Variants in RALGPS2 observed in about 807,000 individuals in gnomAD.
The protein encoded by RALGPS2 is Ral GEF with PH domain and SH3 binding motif 2.
Under a neutral mutation model 86.8 loss-of-function variants are expected in RALGPS2, and 43 were observed. The ratio of observed to expected loss-of-function variants is 0.50; its 90% CI spans 0.39 to 0.64. The LOEUF (loss-of-function observed/expected upper bound fraction) is 0.64, where lower values mean the gene tolerates loss of function less well. RALGPS2 is among the 30% of genes least tolerant of loss of function. The probability of loss-of-function intolerance (pLI) is 0.00; values close to 1 mark genes in which losing one functional copy is unlikely to be tolerated. For synonymous variants in RALGPS2, 243 were observed against 231.3 expected (o/e 1.05, Z -0.46); for missense variants, 536 against 694.6 (o/e 0.77, Z 2.57).
chr1:178,757,936 A>G (rs544700983), intron 1 of RALGPS2, among the ~76,000 whole-genome samples: 1 of 152,016 alleles, frequency 6.6e-6, no homozygotes, highest in South Asian at 2.1e-4. Flanking sequence ...TTTGGTTGGT[A>G]GGTATTTTAT....
At chr1:178,913,052 C>T (rs1346704208) in intron 19 of RALGPS2, among the ~76,000 whole-genome samples, 2 of 152,052 alleles carry the variant, frequency 1.3e-5, no homozygotes, top group Non-Finnish European at 2.9e-5. Context: ...GAGGCCAAGG[C>T]AGGCAGATCA....
intron 10 of RALGPS2, among the ~76,000 whole-genome samples, chr1:178,880,830 T>C (rs1659213553): frequency 6.6e-6 from 1 of 152,206 alleles, no homozygotes; most frequent in African/African-American, 2.4e-5. Flanking sequence ...TATAATACAA[T>C]ATTTATTAAA....
chr1:178,768,293 C>T (rs1291667928), intron 1 of RALGPS2, among the ~76,000 whole-genome samples: 1 of 152,180 alleles, frequency 6.6e-6, no homozygotes, highest in East Asian at 1.9e-4. Flanking sequence ...GGTTCCTTCT[C>T]ATCTGGAGAC....
chr1:178,831,235 C>G (rs1389611092), intron 7 of RALGPS2, among the ~76,000 whole-genome samples: 1 of 152,178 alleles, frequency 6.6e-6, no homozygotes, highest in Non-Finnish European at 1.5e-5. Context: ...ATCCATTTAA[C>G]AAAGCCATAC....
intron 1 of RALGPS2, chr1:178,747,594 A>G: frequency 6.2e-7 from 1 of 1,601,750 alleles, no homozygotes; most frequent in Non-Finnish European, 8.5e-7. Flanking sequence ...CCCTGTGTTA[A>G]GATGTAACTC....
intron 1 of RALGPS2, among the ~76,000 whole-genome samples, chr1:178,753,245 C>T (rs1210787616): frequency 1.3e-5 from 2 of 152,136 alleles, no homozygotes; most frequent in Non-Finnish European, 2.9e-5. Context: ...TTCCTGCCTT[C>T]GTATTCTTTC....
chr1:178,883,579 C>A, intron 11 of RALGPS2, 46 bp downstream of exon 11: 1 of 1,423,234 alleles, frequency 7.0e-7, no homozygotes, highest in Non-Finnish European at 9.9e-7. Flanking sequence ...ATCAGATAAC[C>A]TAATAAGGAA....
intron 13 of RALGPS2, 45 bp from the exon 14 acceptor site, chr1:178,889,597 G>C (rs751104658): frequency 8.0e-7 from 1 of 1,249,082 alleles, no homozygotes; most frequent in Non-Finnish European, 1.2e-6. Flanking sequence ...GCAAACTAGA[G>C]AGGTAATTCT....
intron 10 of RALGPS2, 86 bp from the exon 11 acceptor site, chr1:178,883,380 T>G (rs1659344198): frequency 9.2e-7 from 1 of 1,086,728 alleles, no homozygotes; most frequent in South Asian, 1.3e-5. Context: ...TGTTTTTAGT[T>G]TTTTTGTGAG....
chr1:178,789,185 G>A lies in RALGPS2; in HGVS notation c.213+3578G>A, dbSNP rs373468631. 4.6e-5 allele frequency among the ~76,000 whole-genome samples: 7 copies of A among 152,300 alleles called. No homozygotes were observed. The South Asian group carries it at 1.2e-3, about 27-fold the overall frequency. ...GCCTCCCCAAATGCTGGGTTTACAGGCGTGAGCCACTGTGCCCGGCCTTAA... is the reference window on the plus strand; with the variant it reads ...GCCTCCCCAAATGCTGGGTTTACAGACGTGAGCCACTGTGCCCGGCCTTAA... On this transcript the variant is annotated intron_variant, in intron 4 of 19. Transcript: ENST00000367635.
intron 10 of RALGPS2, among the ~76,000 whole-genome samples, chr1:178,881,818 A>G (rs919963160): frequency 6.6e-6 from 1 of 152,190 alleles, no homozygotes; most frequent in Non-Finnish European, 1.5e-5. Context: ...TGAAAAATAG[A>G]GCATTTTAAG....
intron 8 of RALGPS2, chr1:178,852,835 A>T: frequency 6.2e-7 from 1 of 1,613,902 alleles, no homozygotes; most frequent in South Asian, 1.1e-5. Context: ...TTCTGCATAG[A>T]CTTTTTTATC....
intron 8 of RALGPS2, among the ~76,000 whole-genome samples, chr1:178,837,503 G>A (rs1466677072): frequency 6.6e-6 from 1 of 152,146 alleles, no homozygotes; most frequent in African/African-American, 2.4e-5. Flanking sequence ...CTAGTAAAAT[G>A]TATGTGTCTG....
intron 7 of RALGPS2, among the ~76,000 whole-genome samples, chr1:178,824,725 C>T (rs1012301495): frequency 5.3e-5 from 8 of 151,958 alleles, no homozygotes; most frequent in African/African-American, 1.5e-4. Context: ...AGGAGAATGG[C>T]GTGAACCCAG....
intron 19 of RALGPS2, among the ~76,000 whole-genome samples, chr1:178,915,072 T>C (rs1327281854): frequency 6.6e-6 from 1 of 152,332 alleles, no homozygotes; most frequent in East Asian, 1.9e-4. Context: ...CAGACGTGTA[T>C]AAATATTTGT....
intron 1 of RALGPS2, among the ~76,000 whole-genome samples, chr1:178,740,930 A>T (rs1054723128): frequency 6.6e-6 from 1 of 152,216 alleles, no homozygotes; most frequent in Non-Finnish European, 1.5e-5. Context: ...TCATAACAAT[A>T]CTTCTCACTG....
At chr1:178,915,752 C>A (rs1206060135) in intron 19 of RALGPS2, among the ~76,000 whole-genome samples, 1 of 152,190 alleles carries the variant, frequency 6.6e-6, no homozygotes, top group Non-Finnish European at 1.5e-5. Flanking sequence ...GAAAAGACCA[C>A]TGACATATGA....
At chr1:178,735,390 C>T (rs1055761624) in intron 1 of RALGPS2, among the ~76,000 whole-genome samples, 4 of 151,258 alleles carry the variant, frequency 2.6e-5, no homozygotes, top group Non-Finnish European at 2.9e-5. Flanking sequence ...AAAGAGGGAC[C>T]TTCTAGAGTG....
rs1223894244 is a variant in RALGPS2, at chr1:178,917,630, C to T, written c.*1271C>T. Reference sequence around the variant, plus strand: ...TTACTGTCGGTCTCTGACATGAAACCGTATTTTGTCAGTAGTTGACCAAGC... The same window carrying T: ...TTACTGTCGGTCTCTGACATGAAACTGTATTTTGTCAGTAGTTGACCAAGC... On this transcript the variant is annotated 3_prime_UTR_variant, in exon 20 of 20. Transcript: ENST00000367635. The T allele has an allele frequency of 1.3e-5, 2 of 151,886 alleles. No individual in the cohort carries two copies. Among genetic ancestry groups the T allele is most frequent in the Admixed American group, 6.6e-5 (1 of 15,254 alleles). The allele number at this position is 151,886 out of a possible 1,614,324, so 9.4% of individuals were successfully genotyped here.
Sources: gnomAD v4.1 joint callset for allele counts (sites outside exome capture counted in the v4.1 genomes callset) on GRCh38, gnomAD v4.1.1 for gene constraint, MANE v1.5 for transcripts, NCBI Gene and HGNC (gene_info 2026-07-23, HGNC 2026-07-21) for gene names.